Variants in TLN2 observed in about 807,000 individuals in gnomAD.
The protein encoded by TLN2 is talin-2.
In TLN2, 118 loss-of-function variants were observed where a neutral mutation model predicts 294.7. The observed-to-expected ratio is 0.40, with a 90% CI of 0.34 to 0.47. TLN2 has a LOEUF of 0.47. Among genes scored for constraint, TLN2 ranks in the 20% least tolerant of loss-of-function variants. The pLI is 0.84. For missense variants in TLN2, 3,083 were observed against 3,282.2 expected (o/e 0.94, Z 1.48); for synonymous variants, 1,431 against 1,304.5 (o/e 1.10, Z -2.09).
intron 1 of TLN2, among the ~76,000 whole-genome samples, chr15:62,561,655 GTC>G (rs555816577): frequency 4.6e-5 from 7 of 152,090 alleles, no homozygotes; most frequent in African/African-American, 1.7e-4. Flanking sequence ...AGGAAAGTCT[GTC>G]TCTCTCTCTT....
chr15:62,809,788 A>G, intron 51 of TLN2, 137 bp from the exon 52 acceptor site: 1 of 727,608 alleles, frequency 1.4e-6, no homozygotes, highest in South Asian at 1.7e-5. Context: ...GACGTAGAGG[A>G]GAGATACCTC....
At chr15:62,570,175 A>G (rs1412574422) in intron 1 of TLN2, among the ~76,000 whole-genome samples, 1 of 152,202 alleles carries the variant, frequency 6.6e-6, no homozygotes, top group African/African-American at 2.4e-5. Flanking sequence ...GGCTCCATCC[A>G]AAAGTTTAGG....
At chr15:62,672,168 T>C (rs1054810417) in intron 9 of TLN2, among the ~76,000 whole-genome samples, 1 of 152,186 alleles carries the variant, frequency 6.6e-6, no homozygotes, top group African/African-American at 2.4e-5. Flanking sequence ...ATAATGATGA[T>C]TTTGGACTTC....
At chr15:62,691,889 G>T (rs1487300484) in intron 12 of TLN2, among the ~76,000 whole-genome samples, 1 of 152,014 alleles carries the variant, frequency 6.6e-6, no homozygotes, top group African/African-American at 2.4e-5. Flanking sequence ...GCCCAGGCTG[G>T]TCTTGAACTC....
intron 52 of TLN2, among the ~76,000 whole-genome samples, chr15:62,813,601 C>T (rs1349694387): frequency 6.6e-6 from 1 of 152,148 alleles, no homozygotes; most frequent in African/African-American, 2.4e-5. Context: ...TTAAAAGTTA[C>T]CTCCAAAGTT....
At chr15:62,480,249 T>G (rs993559988) in intron 1 of TLN2, among the ~76,000 whole-genome samples, 1 of 152,252 alleles carries the variant, frequency 6.6e-6, no homozygotes, top group African/African-American at 2.4e-5. Context: ...AGTCTCACTC[T>G]GTCGCCCAGG....
At chr15:62,663,788 ATGC>A (rs1287632551) in intron 9 of TLN2, among the ~76,000 whole-genome samples, 1 of 152,020 alleles carries the variant, frequency 6.6e-6, no homozygotes, top group Non-Finnish European at 1.5e-5. Context: ...GTCTGAGTAA[ATGC>A]TATGTTATTG....
At chr15:62,702,243 A>G (rs777173367) in intron 18 of TLN2, 43 bp downstream of exon 18, 1 of 1,532,256 alleles carries the variant, frequency 6.5e-7, no homozygotes, top group Non-Finnish European at 8.8e-7. Flanking sequence ...CTGATGGGAC[A>G]GCTGCATCCA....
At chr15:62,446,114 C>T (rs2035809248) in intron 1 of TLN2, among the ~76,000 whole-genome samples, 1 of 152,046 alleles carries the variant, frequency 6.6e-6, no homozygotes, top group Non-Finnish European at 1.5e-5. Flanking sequence ...TCACGTCATT[C>T]TCCTGGCTCA....
chr15:62,714,363 C>T (rs192820227), intron 22 of TLN2, among the ~76,000 whole-genome samples: 3 of 151,858 alleles, frequency 2.0e-5, no homozygotes, highest in South Asian at 2.1e-4. Context: ...CCACCACGCC[C>T]GGCTAATTTT....
chr15:62,767,108 A>G (rs1319045434), intron 41 of TLN2, among the ~76,000 whole-genome samples: 3 of 152,330 alleles, frequency 2.0e-5, no homozygotes, highest in East Asian at 3.9e-4. Context: ...CAGTGCAGCT[A>G]TCAGTATAGA....
chr15:62,486,452 GTTTTTT>G lies in TLN2; in HGVS notation c.-238+95785_-238+95790del, dbSNP rs34975634. Among the ~76,000 whole-genome samples, 3 of 93,292 alleles carry G rather than the reference GTTTTTT, an allele frequency of 3.2e-5. No individual in the cohort carries two copies. The East Asian group carries it at 6.9e-4, about 22-fold the overall frequency. 61.2% of individuals were successfully genotyped at this position (93,292 alleles called of 152,430 possible). On this transcript the variant is annotated intron_variant, in intron 1 of 58. Coordinates refer to ENST00000636159, the MANE Select transcript of TLN2 (RefSeq NM_015059.3). ...TCTTTTAATCAGGAACAGTTCCTTT[GTTTTTT>G]TTTTTTTTTTTTTTTTTGCCATTCA... is the stretch of plus-strand genomic sequence containing the variant.
chr15:62,724,191 T>C (rs1431093516), intron 26 of TLN2, among the ~76,000 whole-genome samples: 1 of 152,170 alleles, frequency 6.6e-6, no homozygotes, highest in African/African-American at 2.4e-5. Flanking sequence ...AATCAGACTG[T>C]CATTGACTAA....
intron 52 of TLN2, 96 bp downstream of exon 52, chr15:62,810,128 A>T: frequency 9.8e-7 from 1 of 1,017,744 alleles, no homozygotes; most frequent in Non-Finnish European, 1.5e-6. Flanking sequence ...GACCTCTCTC[A>T]GAGCCCTGTC....
intron 1 of TLN2, among the ~76,000 whole-genome samples, chr15:62,576,381 C>G (rs569274996): frequency 3.3e-5 from 5 of 152,202 alleles, no homozygotes; most frequent in African/African-American, 1.2e-4. Context: ...TCTAGAGGAG[C>G]ACTGTCTACT....
At chr15:62,813,289 C>G (rs546567344) in intron 52 of TLN2, among the ~76,000 whole-genome samples, 1 of 152,292 alleles carries the variant, frequency 6.6e-6, no homozygotes, top group East Asian at 1.9e-4. Flanking sequence ...AGCCTGCCAG[C>G]TGAGTTTCTT....
chr15:62,745,772 A>T (rs1277064300), intron 32 of TLN2, among the ~76,000 whole-genome samples: 1 of 152,242 alleles, frequency 6.6e-6, no homozygotes, highest in Non-Finnish European at 1.5e-5. Flanking sequence ...GGTTTAAAAC[A>T]TAAATATTGT....
Position 62,716,453 on chromosome 15 carries a change from A to T in TLN2, c.2757A>T (p.Arg919=). 2 of 1,602,308 alleles carry T rather than the reference A, an allele frequency of 1.2e-6. No homozygotes were observed. The highest frequency in any genetic ancestry group is 1.7e-6 in the Non-Finnish European group (2 of 1,175,462). Residue 919 remains arginine, a synonymous_variant, in exon 23 of 59, where the codon CGA becomes CGT. Transcript: ENST00000636159. Reference sequence around the variant, plus strand: ...CTATTAAGAAAAAAATTGTCAACCGACTGGAGGTAAGGAAAGAGGCTGCCT... The same window carrying T: ...CTATTAAGAAAAAAATTGTCAACCGTCTGGAGGTAAGGAAAGAGGCTGCCT... ...QNAIKKKIVN[R]LEVAAKQAAA... is the part of the protein sequence containing the mutation.
Position 62,655,960 on chromosome 15 carries a change from C to G in TLN2, c.534C>G (p.His178Gln), listed in dbSNP as rs1331988840. The G allele has an allele frequency of 6.8e-6, 11 of 1,614,080 alleles. No homozygotes were observed. Among genetic ancestry groups the G allele is most frequent in the African/African-American group, 1.3e-5 (1 of 74,940 alleles). Residue 178 changes from histidine to glutamine, a missense_variant, in exon 8 of 59, where the codon CAC (histidine) becomes CAG (glutamine). Transcript: ENST00000636159. ...HTDDDLNWLDHSRTFREQGVD... is the reference protein window; with the variant it reads ...HTDDDLNWLDQSRTFREQGVD... ...GTGTTGCAGTAAATTGGCTGGATCA[C>G]AGCCGAACATTCAGAGAACAAGGAG...
Sources: allele counts gnomAD v4.1 joint callset (sites outside exome capture counted in the v4.1 genomes callset), GRCh38; gene constraint gnomAD v4.1.1; transcripts MANE v1.5; gene names NCBI Gene and HGNC (gene_info 2026-07-23, HGNC 2026-07-21).